The following CDH17 variants were observed in gnomAD, a reference collection of about 807,000 sequenced individuals.
CDH17 encodes the protein cadherin 17.
In CDH17, 67 loss-of-function variants were observed where a neutral mutation model predicts 86.3. The ratio of observed to expected loss-of-function variants is 0.78; its 90% CI spans 0.64 to 0.95. The LOEUF is 0.95. Among genes scored for constraint, CDH17 ranks in the 40% least tolerant of loss-of-function variants. The pLI is 0.00. For synonymous variants in CDH17, 367 were observed against 366.4 expected (o/e 1.00, Z -0.02); for missense variants, 993 against 1,017.6 (o/e 0.98, Z 0.33).
rs746172063 is a variant in CDH17, at chr8:94,151,973, G to C, written c.1691C>G (p.Pro564Arg). The change falls in exon 13 of 18, where the codon CCT becomes CGT. Residue 564 changes from proline to arginine, a missense_variant. Coordinates refer to ENST00000027335, the MANE Select transcript of CDH17 (RefSeq NM_004063.4). Reference sequence around the variant, plus strand: ...TTGGAATACGTGTTGGGAAAATTGAGGTGCTTCATTCACATCTGTCACAAT... The same window carrying C: ...TTGGAATACGTGTTGGGAAAATTGACGTGCTTCATTCACATCTGTCACAAT... ...TLIVTDVNEA[P>R]QFSQHVFQAK... The C allele has an allele frequency of 6.2e-7, 1 of 1,614,184 alleles. No individual in the cohort carries two copies. The highest frequency in any genetic ancestry group is 1.1e-5 in the South Asian group (1 of 91,086).
In CDH17 at chr8:94,151,851, GCACTGTTGCCCTTTACCTTATGTCCA is replaced by G; in HGVS notation, c.1787_1796+16del. The G allele has an allele frequency of 6.2e-7, 1 of 1,613,820 alleles. No homozygotes were observed. Among genetic ancestry groups the G allele is most frequent in the Non-Finnish European group, 8.5e-7 (1 of 1,179,852 alleles). ...GTGACCACGCAGCCAGGCCTGCCCA[GCACTGTTGCCCTTTACCTTATGTCCA>G]GACCTTCTGGATCCTTGGCAGTCAC... On this transcript the variant is annotated splice_donor_variant and splice_donor_5th_base_variant and coding_sequence_variant and intron_variant, in exon 13 of 18. Transcript: ENST00000027335. LOFTEE classifies it high-confidence loss of function.
At chr8:94,209,430 T>C (rs1275729457), upstream of CDH17, among the ~76,000 whole-genome samples, 1 of 152,178 alleles carries the variant, frequency 6.6e-6, no homozygotes, top group East Asian at 1.9e-4. Flanking sequence ...GCTGAGGTTG[T>C]GTTTTCCATT....
upstream of CDH17, among the ~76,000 whole-genome samples, chr8:94,211,841 A>C (rs962003009): frequency 9.2e-5 from 14 of 152,226 alleles, no homozygotes; most frequent in African/African-American, 3.1e-4. Context: ...CTTTGTCTTC[A>C]ATTAGTACTC....
intron 15 of CDH17, among the ~76,000 whole-genome samples, chr8:94,135,452 C>G (rs1426010027): frequency 2.0e-5 from 3 of 152,180 alleles, no homozygotes; most frequent in Non-Finnish European, 4.4e-5. Context: ...GGTTTAAAGT[C>G]TGTTTTATCA....
intron 2 of CDH17, among the ~76,000 whole-genome samples, chr8:94,194,250 G>T (rs1480192938): frequency 2.0e-5 from 3 of 152,192 alleles, no homozygotes; most frequent in Admixed American, 1.3e-4. Context: ...TTTTCTTGAT[G>T]TTTTGGTGGT....
In CDH17 at chr8:94,160,051, T is replaced by C; in HGVS notation, c.1471A>G (p.Ile491Val). The C allele has an allele frequency of 5.0e-6, 8 of 1,613,892 alleles. No homozygotes were observed. Among genetic ancestry groups the C allele is most frequent in the Non-Finnish European group, 6.8e-6 (8 of 1,179,846 alleles). Reference protein sequence around the residue: ...FTGSSKILYHIIKGDSEGRLG... With the variant: ...FTGSSKILYHVIKGDSEGRLG... ...CGTCCCTCACTGTCTCCCTTTATGA[T>C]ATGATACAGAATTTTAGAACTCCCA... The change falls in exon 12 of 18, where the codon ATC (isoleucine) becomes GTC (valine). Residue 491 changes from isoleucine (I) to valine (V), a missense_variant. Coordinates refer to ENST00000027335, the MANE Select transcript of CDH17 (RefSeq NM_004063.4).
intron 7 of CDH17, among the ~76,000 whole-genome samples, chr8:94,172,499 C>T (rs1320095142): frequency 6.6e-6 from 1 of 151,880 alleles, no homozygotes; most frequent in Non-Finnish European, 1.5e-5. Context: ...CCTTTTATAT[C>T]TAATATTTTT....
chr8:94,209,946 C>T (rs1284424597), upstream of CDH17, among the ~76,000 whole-genome samples: 1 of 151,032 alleles, frequency 6.6e-6, no homozygotes, highest in African/African-American at 2.4e-5. Flanking sequence ...AAATAAAGTG[C>T]ATATGTATCA....
chr8:94,133,001 T>G (rs147996396), intron 15 of CDH17, among the ~76,000 whole-genome samples: 1 of 152,076 alleles, frequency 6.6e-6, no homozygotes, highest in African/African-American at 2.4e-5. Flanking sequence ...ATTTCTGAGG[T>G]CTCTGTTCTG....
chr8:94,130,330 C>A (rs1053471492), intron 17 of CDH17, among the ~76,000 whole-genome samples: 3 of 152,200 alleles, frequency 2.0e-5, no homozygotes, highest in Non-Finnish European at 4.4e-5. Context: ...ACAGCTACTG[C>A]ATTTCTTCCC....
chr8:94,138,989 T>G (rs1008674716), intron 15 of CDH17, among the ~76,000 whole-genome samples: 1 of 152,044 alleles, frequency 6.6e-6, no homozygotes, highest in East Asian at 1.9e-4. Context: ...AGACATTCAG[T>G]AAAAGAGAAA....
upstream of CDH17, among the ~76,000 whole-genome samples, chr8:94,211,753 C>G (rs970883407): frequency 3.9e-5 from 6 of 152,214 alleles, no homozygotes; most frequent in African/African-American, 1.4e-4. Flanking sequence ...ACACACAACC[C>G]TCACCTAACA....
Position 94,203,099 on chromosome 8 carries a change from A to T in CDH17, c.-21+5384T>A, listed in dbSNP as rs191958646. On this transcript the variant is annotated intron_variant, in intron 1 of 17. Coordinates refer to ENST00000027335, the MANE Select transcript of CDH17 (RefSeq NM_004063.4). ...GTTTAGACGCTCTTGTCATTTACCC[A>T]TTTATTTGAGTAAGGACAAGGAGTT... 3.0e-5 allele frequency: 5 copies of T among 167,590 alleles called. No individual in the cohort carries two copies. In the Admixed American group the frequency reaches 3.2e-4, roughly 11 times the overall value. The allele number at this position is 167,590 out of a possible 1,614,324, so 10.4% of individuals were successfully genotyped here. A position where few individuals can be genotyped will look rare whatever the true frequency, so the allele number is the denominator to read the frequency against.
intron 12 of CDH17, among the ~76,000 whole-genome samples, chr8:94,158,995 A>G (rs1812997644): frequency 6.6e-6 from 1 of 152,128 alleles, no homozygotes; most frequent in South Asian, 2.1e-4. Flanking sequence ...ACCTTAAACA[A>G]TTAGCCACCC....
chr8:94,216,464 C>A (rs962414323), intron 1 of CDH17, among the ~76,000 whole-genome samples: 3 of 152,054 alleles, frequency 2.0e-5, no homozygotes, highest in African/African-American at 7.2e-5. Context: ...GGCGGAGGAC[C>A]CTCACTTCCT....
intron 12 of CDH17, among the ~76,000 whole-genome samples, chr8:94,156,328 G>A (rs559274937): frequency 8.0e-4 from 121 of 152,174 alleles, no homozygotes; most frequent in Non-Finnish European, 1.4e-3. Flanking sequence ...GTTAAAAATA[G>A]CTAGTGAACT....
intron 5 of CDH17, among the ~76,000 whole-genome samples, chr8:94,174,850 C>T (rs1189401243): frequency 1.3e-5 from 2 of 152,016 alleles, no homozygotes; most frequent in East Asian, 1.9e-4. Flanking sequence ...TAACACAATG[C>T]CATTTTTCTT....
intron 14 of CDH17, among the ~76,000 whole-genome samples, chr8:94,147,916 G>A (rs947172110): frequency 2.0e-5 from 3 of 152,194 alleles, no homozygotes; most frequent in African/African-American, 7.2e-5. Context: ...TATGGAATCA[G>A]AAACTCCAGG....
At chr8:94,192,198 A>T (rs769633293) in intron 2 of CDH17, among the ~76,000 whole-genome samples, 1 of 152,144 alleles carries the variant, frequency 6.6e-6, no homozygotes, top group Non-Finnish European at 1.5e-5. Flanking sequence ...AATAAACATG[A>T]CTATTGGGGC....
Sources: allele counts gnomAD v4.1 joint callset (sites outside exome capture counted in the v4.1 genomes callset), GRCh38; gene constraint gnomAD v4.1.1; transcripts MANE v1.5; gene names NCBI Gene and HGNC (gene_info 2026-07-23, HGNC 2026-07-21).